The following LAMA2 variants were observed in gnomAD, a reference collection of about 807,000 sequenced individuals.
LAMA2 encodes laminin subunit alpha-2.
LAMA2 carries 269 observed loss-of-function variants against 364.8 expected under a neutral mutation model. That is an observed-to-expected ratio of 0.74 (90% CI 0.67 to 0.82). The LOEUF (loss-of-function observed/expected upper bound fraction) is 0.82, where lower values mean the gene tolerates loss of function less well. Ranked by LOEUF, LAMA2 falls within the 40% of genes least tolerant of loss-of-function variation. The pLI, the probability that LAMA2 is intolerant of heterozygous loss-of-function variation, is 0.00. For synonymous variants in LAMA2, 1,379 were observed against 1,370.6 expected, an observed-to-expected ratio of 1.01 and a Z score of -0.14; for missense variants, 3,807 against 3,873.2, an observed-to-expected ratio of 0.98 and a Z score of 0.45.
chr6:129,042,030 C>A (rs889337903), intron 1 of LAMA2, among the ~76,000 whole-genome samples: 21 of 147,044 alleles, frequency 1.4e-4, no homozygotes, highest in African/African-American at 4.5e-4. Flanking sequence ...TAATGCCAGG[C>A]GTGGTGACTC....
chr6:129,106,138 T>C (rs1312259098), intron 4 of LAMA2, among the ~76,000 whole-genome samples: 1 of 151,886 alleles, frequency 6.6e-6, no homozygotes, highest in Non-Finnish European at 1.5e-5. Flanking sequence ...AAACCATCAT[T>C]AAATCTTGAA....
At chr6:128,904,790 C>A (rs1030718283) in intron 1 of LAMA2, among the ~76,000 whole-genome samples, 1 of 151,972 alleles carries the variant, frequency 6.6e-6, no homozygotes, top group Non-Finnish European at 1.5e-5. Flanking sequence ...ATTGCCAGGT[C>A]GGAACTTAGG....
intron 17 of LAMA2, among the ~76,000 whole-genome samples, chr6:129,272,576 C>T (rs1788015363): frequency 6.6e-6 from 1 of 152,162 alleles, no homozygotes; most frequent in African/African-American, 2.4e-5. Flanking sequence ...AAAATACACA[C>T]TGCATTTTAA....
At position 129,342,362 on chromosome 6, in the gene LAMA2, C is replaced by A; in HGVS notation, c.4331C>A (p.Ala1444Asp). ...SICQNCQHHT[A>D]GDFCERCALG... ...TTACAGAATTGTCAACATCACACTG[C>A]TGGTGACTTCTGTGAACGATGTGCT... The change falls in exon 30 of 65, where the codon GCT (alanine) becomes GAT (aspartate). Residue 1444 changes from alanine to aspartate, a missense_variant. Transcript: ENST00000421865. 1.2e-6 allele frequency: 2 copies of A among 1,613,072 alleles called. No individual in the cohort carries two copies. The highest frequency in any genetic ancestry group is 1.7e-5 in the Admixed American group (1 of 60,012).
chr6:129,159,625 A>T (rs1404297829), intron 8 of LAMA2, among the ~76,000 whole-genome samples: 1 of 152,216 alleles, frequency 6.6e-6, no homozygotes, highest in East Asian at 1.9e-4. Context: ...CTTCCTTTGC[A>T]ATCTTTATGC....
At chr6:128,995,903 A>C (rs1203414505) in intron 1 of LAMA2, among the ~76,000 whole-genome samples, 1 of 152,138 alleles carries the variant, frequency 6.6e-6, no homozygotes, top group Non-Finnish European at 1.5e-5. Context: ...GGACGTTTAG[A>C]GTTTTTGACA....
At chr6:129,480,787 G>A (rs751915649) in intron 54 of LAMA2, among the ~76,000 whole-genome samples, 6 of 152,028 alleles carry the variant, frequency 3.9e-5, no homozygotes, top group Non-Finnish European at 7.4e-5. Context: ...TTATCACTGG[G>A]GAAAAATGCA....
At chr6:129,205,189 A>G (rs7742673) in intron 12 of LAMA2, among the ~76,000 whole-genome samples, 11,088 of 151,676 alleles carry the variant, frequency 0.073, 611 homozygotes, top group African/African-American at 0.15. Flanking sequence ...GGAGATGGAG[A>G]CCATCCTGGT....
intron 56 of LAMA2, among the ~76,000 whole-genome samples, chr6:129,487,998 G>A (rs767871384): frequency 7.2e-5 from 11 of 152,214 alleles, no homozygotes; most frequent in Middle Eastern, 3.4e-3. Context: ...TTTTCATTGC[G>A]GAAAGGACTT....
chr6:128,932,596 G>T, intron 1 of LAMA2, among the ~76,000 whole-genome samples: 1 of 152,256 alleles, frequency 6.6e-6, no homozygotes. Flanking sequence ...CCTTAGGAAG[G>T]CCAGACATGA....
At chr6:129,156,809 T>C (rs1779142078) in intron 8 of LAMA2, among the ~76,000 whole-genome samples, 1 of 152,092 alleles carries the variant, frequency 6.6e-6, no homozygotes. Context: ...TGTTAAAAAA[T>C]AAAGCTGGTG....
In LAMA2 at chr6:129,287,903, G is replaced by T. The variant is rs1165223636; in HGVS notation, c.2594G>T (p.Cys865Phe). The T allele has an allele frequency of 6.2e-7, 1 of 1,614,074 alleles. No individual in the cohort carries two copies. The highest frequency in any genetic ancestry group is 8.5e-7 in the Non-Finnish European group (1 of 1,179,958). Residue 865 changes from cysteine (C) to phenylalanine (F), a missense_variant, in exon 19 of 65, where the codon TGC (cysteine) becomes TTC (phenylalanine). Coordinates refer to ENST00000421865, the MANE Select transcript of LAMA2 (RefSeq NM_000426.4). ...PSVPGGSCQP[C>F]QCNDNLDFSI... ...GTACCTGGAGGATCATGTCAGCCAT[G>T]CCAATGCAATGACAACCTTGACTTC...
At chr6:129,505,414 A>G in intron 61 of LAMA2, 59 bp downstream of exon 61, 1 of 1,422,366 alleles carries the variant, frequency 7.0e-7, no homozygotes, top group South Asian at 1.2e-5. Context: ...TTATTGATAT[A>G]TTTTGACTTA....
intron 1 of LAMA2, among the ~76,000 whole-genome samples, chr6:128,904,026 T>C (rs901278352): frequency 1.3e-5 from 2 of 152,176 alleles, no homozygotes; most frequent in African/African-American, 4.8e-5. Context: ...AGAGTTTCAA[T>C]AGTTTTATCC....
rs766601217 is a variant in LAMA2 at position 129,401,206 on chromosome 6, G to T, written c.5446-18G>T. 1 of 1,462,750 alleles carries T rather than the reference G, an allele frequency of 6.8e-7. No individual in the cohort carries two copies. Among genetic ancestry groups the T allele is most frequent in the Non-Finnish European group, 9.6e-7 (1 of 1,043,760 alleles). 90.6% of individuals were successfully genotyped at this position (1,462,750 alleles called of 1,614,324 possible). A position where few individuals can be genotyped will look rare whatever the true frequency, so the allele number is the denominator to read the frequency against. The stretch of plus-strand genomic sequence containing the variant: ...TATGAAAATGCAATTTTGATGTCTT[G>T]TTCATAATGGTCTACAGAAAAAGAA... On this transcript the variant is annotated intron_variant, in intron 37 of 64. Coordinates refer to ENST00000421865, the MANE Select transcript of LAMA2 (RefSeq NM_000426.4).
At chr6:129,014,132 TGGA>T (rs1280685479) in intron 1 of LAMA2, among the ~76,000 whole-genome samples, 1 of 152,164 alleles carries the variant, frequency 6.6e-6, no homozygotes, top group Non-Finnish European at 1.5e-5. Flanking sequence ...AGATTTTTCA[TGGA>T]GGGAAGGCCA....
chr6:129,124,070 T>C (rs1159525864), intron 4 of LAMA2, among the ~76,000 whole-genome samples: 1 of 152,220 alleles, frequency 6.6e-6, no homozygotes, highest in East Asian at 1.9e-4. Context: ...ACATGTTTTT[T>C]TTAAAGCAGT....
intron 56 of LAMA2, among the ~76,000 whole-genome samples, chr6:129,490,357 T>C (rs1784798763): frequency 6.6e-6 from 1 of 152,146 alleles, no homozygotes; most frequent in Admixed American, 6.5e-5. Context: ...AGTATGTTCC[T>C]CCTGAAAGCC....
At chr6:129,406,308 G>A (rs1232175697) in intron 40 of LAMA2, among the ~76,000 whole-genome samples, 1 of 152,124 alleles carries the variant, frequency 6.6e-6, no homozygotes, top group African/African-American at 2.4e-5. Context: ...TGTTTGTACT[G>A]CAGTATTATT....
Sources: allele counts gnomAD v4.1 joint callset (sites outside exome capture counted in the v4.1 genomes callset), GRCh38; gene constraint gnomAD v4.1.1; transcripts MANE v1.5; gene names NCBI Gene and HGNC (gene_info 2026-07-23, HGNC 2026-07-21).